Variants in CCDC50 observed in about 807,000 individuals in gnomAD.
CCDC50 encodes coiled-coil domain-containing protein 50.
A neutral mutation model predicts 70.2 loss-of-function variants in CCDC50; 54 were observed. The ratio of observed to expected loss-of-function variants is 0.77; its 90% CI spans 0.62 to 0.96. The LOEUF (loss-of-function observed/expected upper bound fraction) is 0.96. Ranked by LOEUF, CCDC50 falls within the 50% of genes least tolerant of loss-of-function variation. The pLI is 0.00. For missense variants in CCDC50, 558 were observed against 578.7 expected (o/e 0.96, Z 0.37); for synonymous variants, 216 against 198.8 (o/e 1.09, Z -0.73).
chr3:191,340,478 G>A (rs1046180640), intron 1 of CCDC50, among the ~76,000 whole-genome samples: 1 of 152,194 alleles, frequency 6.6e-6, no homozygotes, highest in Admixed American at 6.5e-5. Context: ...GTTTTAATCT[G>A]CATGTTAATA....
chr3:191,334,030 GTGTTTT>G (rs1018315050), intron 1 of CCDC50, among the ~76,000 whole-genome samples: 42 of 152,168 alleles, frequency 2.8e-4, no homozygotes, highest in African/African-American at 9.6e-4. Context: ...ATGCTATTTT[GTGTTTT>G]TGATTTTTAC....
intron 10 of CCDC50, among the ~76,000 whole-genome samples, chr3:191,385,888 C>T (rs1713476857): frequency 6.6e-6 from 1 of 152,050 alleles, no homozygotes; most frequent in Non-Finnish European, 1.5e-5. Flanking sequence ...GGTGTCCTTT[C>T]CCTATTGTTT....
Position 191,397,402 on chromosome 3 carries a change from A to G in CCDC50, c.*5642A>G, listed in dbSNP as rs1713896172. 1 of 152,184 alleles carries G rather than the reference A, an allele frequency of 6.6e-6. No homozygotes were observed. Among genetic ancestry groups the G allele is most frequent in the African/African-American group, 2.4e-5 (1 of 41,450 alleles). 9.4% of individuals were successfully genotyped at this position (152,184 alleles called of 1,614,324 possible). A position where few individuals can be genotyped will look rare whatever the true frequency, so the allele number is the denominator to read the frequency against. ...CTGCAAGCCAAATGCTCTTTCTCAG[A>G]AAGAGCTATATTTTTCTCTTCTTAC... On this transcript the variant is annotated 3_prime_UTR_variant, in exon 12 of 12. Transcript: ENST00000392455.
At chr3:191,380,101 C>G in intron 6 of CCDC50, 58 bp from the exon 7 acceptor site, 1 of 1,102,110 alleles carries the variant, frequency 9.1e-7, no homozygotes, top group South Asian at 1.4e-5. Context: ...AATTTCTTAA[C>G]TTTTCAGAAA....
chr3:191,386,396 T>C (rs1713497956), intron 10 of CCDC50, among the ~76,000 whole-genome samples: 2 of 152,096 alleles, frequency 1.3e-5, no homozygotes, highest in Non-Finnish European at 2.9e-5. Context: ...AGCTAATTTT[T>C]GTATACTTAG....
At position 191,357,852 on chromosome 3, in the gene CCDC50, T is replaced by C; in HGVS notation, c.113-146T>C. 3.0e-6 allele frequency: 3 copies of C among 995,534 alleles called. No homozygotes were observed. The South Asian group carries it at 4.1e-5, about 14-fold the overall frequency. The allele number at this position is 995,534 out of a possible 1,614,324, so 61.7% of individuals were successfully genotyped here. On this transcript the variant is annotated intron_variant, in intron 2 of 11. Coordinates refer to ENST00000392455, the MANE Select transcript of CCDC50 (RefSeq NM_178335.3). ...AAAAGTGGGGATAATAATTCCTTGC[T>C]CTTTATTATATATTGTTGTTGAGAC...
rs1355510891 is a variant in CCDC50, at chr3:191,350,423, A to G, written c.50-6665A>G. ...AAATTCTACCATTCTATAAAAGGGA[A>G]AACAGACACAGGTGAAAGAAATAGC... is the stretch of plus-strand genomic sequence containing the variant. On this transcript the variant is annotated intron_variant, in intron 1 of 11. Transcript: ENST00000392455. 1.4e-5 allele frequency among the ~76,000 whole-genome samples: 2 copies of G among 142,398 alleles called. 1 individual carries two copies. The highest frequency in any genetic ancestry group is 3.2e-5 in the Non-Finnish European group (2 of 63,112). 93.4% of individuals were successfully genotyped at this position (142,398 alleles called of 152,430 possible). A position where few individuals can be genotyped will look rare whatever the true frequency, so the allele number is the denominator to read the frequency against.
In CCDC50 at chr3:191,391,722, T is replaced by C; in HGVS notation, c.1430-19T>C. The C allele has an allele frequency of 6.2e-7, 1 of 1,612,218 alleles. No homozygotes were observed. Among genetic ancestry groups the C allele is most frequent in the Non-Finnish European group, 8.5e-7 (1 of 1,178,820 alleles). On this transcript the variant is annotated intron_variant, in intron 11 of 11. Coordinates refer to ENST00000392455, the MANE Select transcript of CCDC50 (RefSeq NM_178335.3). ...AGGTTTTTCCTTAATTGTGTTTCCT[T>C]TTTTCTTCCCCTCCCCAGGTTTTCA...
chr3:191,351,183 TAAC>T lies in CCDC50; in HGVS notation c.50-5902_50-5900del, dbSNP rs572377738. Among the ~76,000 whole-genome samples, 3 of 142,522 alleles carry T rather than the reference TAAC, an allele frequency of 2.1e-5. No individual in the cohort carries two copies. In the East Asian group the frequency reaches 5.8e-4, roughly 28 times the overall value. The allele number at this position is 142,522 out of a possible 152,430, so 93.5% of individuals were successfully genotyped here. A position where few individuals can be genotyped will look rare whatever the true frequency, so the allele number is the denominator to read the frequency against. ...CTTGCTGTAAATGAGCTTTTTAAAA[TAAC>T]AATCTGAAATACGTTTTATGAAAAA... On this transcript the variant is annotated intron_variant, in intron 1 of 11. Transcript: ENST00000392455.
chr3:191,371,034 A>G (rs1244600223), intron 5 of CCDC50, among the ~76,000 whole-genome samples: 2 of 152,226 alleles, frequency 1.3e-5, no homozygotes, highest in Non-Finnish European at 2.9e-5. Flanking sequence ...TATACCATGC[A>G]TCAGTTACTG....
chr3:191,336,759 C>T (rs1434421029), intron 1 of CCDC50, among the ~76,000 whole-genome samples: 1 of 152,118 alleles, frequency 6.6e-6, no homozygotes, highest in Non-Finnish European at 1.5e-5. Context: ...TGGAAAATTA[C>T]AGAATGAGTA....
chr3:191,355,888 C>T (rs942052899), intron 1 of CCDC50, among the ~76,000 whole-genome samples: 1 of 152,190 alleles, frequency 6.6e-6, no homozygotes, highest in African/African-American at 2.4e-5. Context: ...CCAAGATCTC[C>T]CTCCCTTTTT....
At chr3:191,388,712 T>C (rs1713582202) in intron 10 of CCDC50, among the ~76,000 whole-genome samples, 1 of 152,202 alleles carries the variant, frequency 6.6e-6, no homozygotes, top group Non-Finnish European at 1.5e-5. Flanking sequence ...ATTTTACATA[T>C]AAATGTACAA....
At position 191,396,048 on chromosome 3, in the gene CCDC50, G is replaced by C. The variant is rs1411764689; in HGVS notation, c.*4288G>C. 6.6e-6 allele frequency: 1 copy of C among 152,178 alleles called. No homozygotes were observed. Among genetic ancestry groups the C allele is most frequent in the Non-Finnish European group, 1.5e-5 (1 of 68,008 alleles). The allele number at this position is 152,178 out of a possible 1,614,324, so 9.4% of individuals were successfully genotyped here. ...CATGGCGAGAGGTAAGAATATTAAA[G>C]AGTCAGGATATTGTTGCTCCTGGTA... On this transcript the variant is annotated 3_prime_UTR_variant, in exon 12 of 12. Transcript: ENST00000392455.
intron 3 of CCDC50, among the ~76,000 whole-genome samples, 171 bp from the exon 4 acceptor site, chr3:191,360,898 C>T (rs989628963): frequency 9.2e-5 from 14 of 152,118 alleles, no homozygotes; most frequent in African/African-American, 3.4e-4. Context: ...CCTTAGTTTT[C>T]TCATCTGTAA....
intron 6 of CCDC50, among the ~76,000 whole-genome samples, chr3:191,377,834 A>G (rs367747): frequency 0.64 from 96,839 of 151,950 alleles, 32,393 homozygotes; most frequent in East Asian, 0.92. Context: ...AGACAAGGAA[A>G]TGTGAAATTA....
At chr3:191,339,025 G>T (rs1246211569) in intron 1 of CCDC50, among the ~76,000 whole-genome samples, 1 of 152,084 alleles carries the variant, frequency 6.6e-6, no homozygotes, top group Admixed American at 6.6e-5. Flanking sequence ...AGATAAAGGG[G>T]GGAAGGCTCT....
rs143055806 is a variant in CCDC50, at chr3:191,332,009, A to G, written c.49+2286A>G. On this transcript the variant is annotated intron_variant, in intron 1 of 11. Transcript: ENST00000392455. ...TTTAATTTAAACTTTTGATAGATAT[A>G]TATGCAGTTACAATTTATATTCAAT... Among the ~76,000 whole-genome samples the G allele has an allele frequency of 1.3e-3, 205 of 152,290 alleles. 1 individual carries two copies. The highest frequency in any genetic ancestry group is 4.7e-3 in the African/African-American group (197 of 41,562).
intron 1 of CCDC50, 66 bp downstream of exon 1, chr3:191,329,789 AG>A: frequency 6.5e-7 from 1 of 1,545,324 alleles, no homozygotes; most frequent in Non-Finnish European, 8.8e-7. Context: ...CTCTCAGGTC[AG>A]GGGCGTTGCC....
Sources: allele counts gnomAD v4.1 joint callset (sites outside exome capture counted in the v4.1 genomes callset), GRCh38; gene constraint gnomAD v4.1.1; transcripts MANE v1.5; gene names NCBI Gene and HGNC (gene_info 2026-07-23, HGNC 2026-07-21).